The following MEGF10 variants were observed in gnomAD, a reference collection of about 807,000 sequenced individuals.
MEGF10 encodes multiple epidermal growth factor-like domains protein 10.
A neutral mutation model predicts 147.5 loss-of-function variants in MEGF10; 86 were observed. The observed-to-expected ratio is 0.58, with a 90% CI of 0.49 to 0.70. The LOEUF (loss-of-function observed/expected upper bound fraction) is 0.70. Among genes scored for constraint, MEGF10 ranks in the 30% least tolerant of loss-of-function variants. The pLI is 0.00. For synonymous variants in MEGF10, 478 were observed against 525.5 expected, an observed-to-expected ratio of 0.91 and a Z score of 1.24; for missense variants, 1,329 against 1,487.3, an observed-to-expected ratio of 0.89 and a Z score of 1.75.
At chr5:127,331,046 CTT>C (rs1413998338) in intron 1 of MEGF10, among the ~76,000 whole-genome samples, 15 of 152,080 alleles carry the variant, frequency 9.9e-5, no homozygotes, top group Admixed American at 4.6e-4. Context: ...GGCTTTTGTT[CTT>C]GTGGCAATTG....
At chr5:127,239,563 G>T in the MEGF10 span, among the ~76,000 whole-genome samples, 1 of 149,838 alleles carries the variant, frequency 6.7e-6, no homozygotes, top group African/African-American at 2.5e-5. Flanking sequence ...GGATCTAAAT[G>T]AATGTTAAAT....
chr5:127,362,135 G>T (rs1762489900), intron 4 of MEGF10, among the ~76,000 whole-genome samples: 1 of 151,818 alleles, frequency 6.6e-6, no homozygotes, highest in Non-Finnish European at 1.5e-5. Context: ...TGCTTTAATT[G>T]TATCTATTTC....
intron 5 of MEGF10, among the ~76,000 whole-genome samples, chr5:127,385,213 G>A (rs1476557270): frequency 6.6e-6 from 1 of 152,094 alleles, no homozygotes; most frequent in Non-Finnish European, 1.5e-5. Flanking sequence ...TAAAGTCCAT[G>A]GAGAACATTA....
At chr5:127,264,943 G>A in the MEGF10 span, among the ~76,000 whole-genome samples, 4 of 151,254 alleles carry the variant, frequency 2.6e-5, no homozygotes, top group Non-Finnish European at 5.9e-5. Context: ...TATACTTTAA[G>A]TTCTAGGGTA....
At position 127,414,987 on chromosome 5, in the gene MEGF10, A is replaced by G. The variant is rs60674900; in HGVS notation, c.1131-2651A>G. ...GAAGGGATGTTTAAGCTGAGACTGG[A>G]AAGACAAACTGGAGAGAGATAGGCA... On this transcript the variant is annotated intron_variant, in intron 9 of 24. Coordinates refer to ENST00000503335, the MANE Select transcript of MEGF10 (RefSeq NM_001256545.2). Among the ~76,000 whole-genome samples, 21 of 152,272 alleles carry G rather than the reference A, an allele frequency of 1.4e-4. No individual in the cohort carries two copies. In the East Asian group the frequency reaches 3.7e-3, roughly 27 times the overall value.
rs769559425 is a variant in MEGF10 at position 127,442,949 on chromosome 5, G to T, written c.2363-49G>T. ...AGGGCTTGCAGTCAGAGACAGCCTT[G>T]CTCCAAATTCCCAAGGTTGGAAAGC... On this transcript the variant is annotated intron_variant, in intron 18 of 24. Transcript: ENST00000503335. 5.1e-6 allele frequency: 8 copies of T among 1,579,022 alleles called. No individual in the cohort carries two copies. The East Asian group carries it at 1.1e-4, about 23-fold the overall frequency.
the MEGF10 span, among the ~76,000 whole-genome samples, chr5:127,270,725 C>T: frequency 6.6e-6 from 1 of 152,156 alleles, no homozygotes; most frequent in Non-Finnish European, 1.5e-5. Flanking sequence ...CCTCCCACCC[C>T]CTGCCCTCTG....
intron 4 of MEGF10, among the ~76,000 whole-genome samples, chr5:127,351,497 A>G (rs1762089074): frequency 1.3e-5 from 2 of 152,180 alleles, no homozygotes; most frequent in South Asian, 4.1e-4. Flanking sequence ...TTGCGGCTAC[A>G]GGGAGCATCA....
At chr5:127,447,144 G>A (rs1765964025) in intron 20 of MEGF10, among the ~76,000 whole-genome samples, 1 of 152,084 alleles carries the variant, frequency 6.6e-6, no homozygotes, top group African/African-American at 2.4e-5. Flanking sequence ...TTGTGATATG[G>A]AAGGAGTCCG....
the MEGF10 span, among the ~76,000 whole-genome samples, chr5:127,259,974 T>C: frequency 1.3e-5 from 2 of 151,942 alleles, no homozygotes; most frequent in African/African-American, 4.8e-5. Context: ...CTGGCCAACA[T>C]GGTGAAACCC....
intron 14 of MEGF10, 141 bp downstream of exon 14, chr5:127,433,650 T>C (rs1378287242): frequency 2.0e-6 from 2 of 1,020,090 alleles, no homozygotes; most frequent in African/African-American, 3.3e-5. Context: ...GGTTCACTTG[T>C]CCTTTGCAGA....
the MEGF10 span, among the ~76,000 whole-genome samples, chr5:127,278,079 T>C: frequency 6.6e-6 from 1 of 152,062 alleles, no homozygotes; most frequent in East Asian, 1.9e-4. Context: ...AGATAGTTTA[T>C]GGAGTTATTG....
At chr5:127,447,162 G>T (rs1160321259) in intron 20 of MEGF10, among the ~76,000 whole-genome samples, 2 of 152,006 alleles carry the variant, frequency 1.3e-5, no homozygotes, top group African/African-American at 4.8e-5. Flanking sequence ...CCGGACATTT[G>T]TTCAGTTATT....
the MEGF10 span, among the ~76,000 whole-genome samples, chr5:127,258,843 C>T: frequency 1.3e-5 from 2 of 152,164 alleles, no homozygotes; most frequent in Non-Finnish European, 2.9e-5. Context: ...AACTTCCCAG[C>T]CTCCAGAACT....
chr5:127,390,977 G>A (rs6874521), intron 5 of MEGF10, among the ~76,000 whole-genome samples: 34,451 of 151,694 alleles, frequency 0.23, 4,742 homozygotes, highest in African/African-American at 0.39. Context: ...AATCTATCAC[G>A]ATGCTTGGAA....
At chr5:127,318,453 A>T (rs953283341) in intron 1 of MEGF10, among the ~76,000 whole-genome samples, 10 of 152,192 alleles carry the variant, frequency 6.6e-5, no homozygotes, top group African/African-American at 1.9e-4. Flanking sequence ...AAAATGATAA[A>T]CAGTTTTAAA....
At chr5:127,348,736 C>T (rs1322753947) in intron 4 of MEGF10, among the ~76,000 whole-genome samples, 1 of 152,150 alleles carries the variant, frequency 6.6e-6, no homozygotes, top group Non-Finnish European at 1.5e-5. Flanking sequence ...TTAACAAACA[C>T]ATTAAGAAGC....
intron 13 of MEGF10, 47 bp downstream of exon 13, chr5:127,422,819 A>G (rs751321615): frequency 4.4e-6 from 6 of 1,365,718 alleles, no homozygotes; most frequent in Non-Finnish European, 6.3e-6. Flanking sequence ...CGCCAATTTA[A>G]CACCTAGTGC....
intron 3 of MEGF10, 87 bp downstream of exon 3, chr5:127,339,308 C>T (rs1761589051): frequency 1.1e-6 from 1 of 915,120 alleles, no homozygotes; most frequent in Non-Finnish European, 1.8e-6. Flanking sequence ...GAAAGTGCAT[C>T]CATTCATTCA....
Sources: gnomAD v4.1 joint callset for allele counts (sites outside exome capture counted in the v4.1 genomes callset) on GRCh38, gnomAD v4.1.1 for gene constraint, MANE v1.5 for transcripts, NCBI Gene and HGNC (gene_info 2026-07-23, HGNC 2026-07-21) for gene names.